CLNK: variants seen among roughly 807,000 people sequenced by gnomAD.
CLNK encodes cytokine-dependent hematopoietic cell linker.
Under a neutral mutation model 68.6 loss-of-function variants are expected in CLNK, and 74 were observed. The ratio of observed to expected loss-of-function variants is 1.08; its 90% CI spans 0.89 to 1.31. CLNK has a LOEUF of 1.31. CLNK is among the 50% of genes most tolerant of loss of function. CLNK has a pLI of 0.00. For synonymous variants in CLNK, 198 were observed against 172.2 expected (o/e 1.15, Z -1.17); for missense variants, 553 against 515.3 (o/e 1.07, Z -0.71).
At chr4:10,567,131 G>A (rs371678524) in intron 5 of CLNK, among the ~76,000 whole-genome samples, 29 of 110,536 alleles carry the variant, frequency 2.6e-4, no homozygotes, top group African/African-American at 7.8e-4. Context: ...ACAATCTTGG[G>A]AAAAAAAAAA....
chr4:10,522,618 CTT>C (rs1290421383), intron 14 of CLNK, among the ~76,000 whole-genome samples: 1 of 151,242 alleles, frequency 6.6e-6, no homozygotes, highest in Non-Finnish European at 1.5e-5. Context: ...AATGATGACT[CTT>C]TTGTTTAACA....
chr4:10,519,236 G>T (rs1717962923), intron 15 of CLNK, among the ~76,000 whole-genome samples: 1 of 152,172 alleles, frequency 6.6e-6, no homozygotes, highest in African/African-American at 2.4e-5. Context: ...CAGCCCTGGG[G>T]TGCTTGACTG....
intron 2 of CLNK, among the ~76,000 whole-genome samples, chr4:10,662,289 A>T (rs1012689441): frequency 6.6e-6 from 1 of 152,224 alleles, no homozygotes; most frequent in African/African-American, 2.4e-5. Flanking sequence ...GATAAAATAA[A>T]CTGCCAAATA....
intron 2 of CLNK, among the ~76,000 whole-genome samples, chr4:10,659,617 C>T (rs1303901509): frequency 6.6e-6 from 1 of 152,060 alleles, no homozygotes; most frequent in African/African-American, 2.4e-5. Context: ...AGAAAAAATC[C>T]TCCCCACCCC....
chr4:10,573,878 C>T (rs1455085476), intron 4 of CLNK, among the ~76,000 whole-genome samples: 1 of 152,144 alleles, frequency 6.6e-6, no homozygotes, highest in African/African-American at 2.4e-5. Context: ...CTCACCTCCC[C>T]TTTGCTTCCC....
At chr4:10,705,600 T>C in the CLNK span, among the ~76,000 whole-genome samples, 2 of 152,240 alleles carry the variant, frequency 1.3e-5, no homozygotes, top group East Asian at 3.9e-4. Context: ...ACCTTTCTCA[T>C]GTTGTATCAC....
At chr4:10,640,246 C>T (rs1226842048) in intron 2 of CLNK, among the ~76,000 whole-genome samples, 5 of 152,072 alleles carry the variant, frequency 3.3e-5, no homozygotes, top group African/African-American at 1.2e-4. Flanking sequence ...CTCACTGCAA[C>T]CTCAGCCTCC....
the CLNK span, among the ~76,000 whole-genome samples, chr4:10,702,134 T>A: frequency 6.6e-6 from 1 of 152,338 alleles, no homozygotes; most frequent in East Asian, 1.9e-4. Flanking sequence ...ATGTTTTACA[T>A]ACAGGAATGG....
chr4:10,524,816 G>A (rs560445675), intron 14 of CLNK, among the ~76,000 whole-genome samples: 1 of 152,130 alleles, frequency 6.6e-6, no homozygotes, highest in South Asian at 2.1e-4. Flanking sequence ...GAGCAAATAC[G>A]GGGGGAGGGG....
At chr4:10,696,134 G>A in the CLNK span, among the ~76,000 whole-genome samples, 1 of 152,130 alleles carries the variant, frequency 6.6e-6, no homozygotes, top group Non-Finnish European at 1.5e-5. Context: ...GGGATTATAG[G>A]CTTGAGCCAC....
intron 2 of CLNK, among the ~76,000 whole-genome samples, chr4:10,654,175 T>G (rs1723863700): frequency 6.6e-6 from 1 of 151,972 alleles, no homozygotes; most frequent in African/African-American, 2.4e-5. Flanking sequence ...TCATTAATAC[T>G]CATTAATGAA....
At chr4:10,670,396 A>C (rs1159827903) in intron 1 of CLNK, among the ~76,000 whole-genome samples, 1 of 152,274 alleles carries the variant, frequency 6.6e-6, no homozygotes, top group Non-Finnish European at 1.5e-5. Flanking sequence ...TTCAGAATGC[A>C]TTAAGTAGCA....
chr4:10,579,070 C>A (rs1389366047), intron 4 of CLNK, among the ~76,000 whole-genome samples: 1 of 152,208 alleles, frequency 6.6e-6, no homozygotes, highest in East Asian at 1.9e-4. Context: ...TTGACAGCCC[C>A]ATGCACTTTC....
chr4:10,490,599 T>C lies in CLNK; in HGVS notation c.1155A>G (p.Val385=). The C allele has an allele frequency of 1.9e-6, 3 of 1,571,112 alleles. No individual in the cohort carries two copies. The highest frequency in any genetic ancestry group is 2.6e-6 in the Non-Finnish European group (3 of 1,157,074). Residue 385 remains valine, a synonymous_variant, in exon 19 of 19, where the codon GTA becomes GTG. Transcript: ENST00000226951. ...GLRGDEKFDS[V]EDIIEHYKNF... ...TCTTGTAGTGTTCGATGATGTCTTCTACTGAATCAAACTTCTGAAACACAG... is the reference window on the plus strand; with the variant it reads ...TCTTGTAGTGTTCGATGATGTCTTCCACTGAATCAAACTTCTGAAACACAG...
intron 2 of CLNK, among the ~76,000 whole-genome samples, chr4:10,606,249 C>T (rs1443305602): frequency 1.3e-5 from 2 of 152,140 alleles, no homozygotes; most frequent in African/African-American, 4.8e-5. Flanking sequence ...GTAACACACA[C>T]CTTAGCCTAG....
intron 1 of CLNK, among the ~76,000 whole-genome samples, chr4:10,668,659 G>T (rs76493853): frequency 7.2e-5 from 11 of 152,166 alleles, no homozygotes; most frequent in African/African-American, 2.7e-4. Context: ...ACAAAAGGGC[G>T]CTGTCACATG....
At chr4:10,522,257 CAAAAA>C (rs5856060) in intron 14 of CLNK, among the ~76,000 whole-genome samples, 5 of 121,010 alleles carry the variant, frequency 4.1e-5, no homozygotes, top group Admixed American at 8.6e-5. Flanking sequence ...GACTCTGTCT[CAAAAA>C]AAAAAAAAAA....
At chr4:10,679,045 C>T (rs1050541979) in intron 1 of CLNK, among the ~76,000 whole-genome samples, 9 of 152,224 alleles carry the variant, frequency 5.9e-5, no homozygotes, top group East Asian at 1.9e-4. Context: ...CAAACAAGAG[C>T]GTGCATTGCC....
At chr4:10,686,062 C>T (rs1181772662), upstream of CLNK, among the ~76,000 whole-genome samples, 3 of 152,152 alleles carry the variant, frequency 2.0e-5, no homozygotes, top group Non-Finnish European at 2.9e-5. Context: ...AGTCTGGCCT[C>T]TGGAAGTCTG....
Sources: allele counts gnomAD v4.1 joint callset (sites outside exome capture counted in the v4.1 genomes callset), GRCh38; gene constraint gnomAD v4.1.1; transcripts MANE v1.5; gene names NCBI Gene and HGNC (gene_info 2026-07-23, HGNC 2026-07-21).